Variants in FAM199X observed in about 807,000 individuals in gnomAD.
The protein encoded by FAM199X is protein FAM199X.
Under a neutral mutation model 22.9 loss-of-function variants are expected in FAM199X, and 4 were observed. The observed-to-expected ratio is 0.17, with a 90% CI of 0.09 to 0.40. The LOEUF is 0.40. FAM199X is among the 10% of genes least tolerant of loss of function. FAM199X has a pLI of 1.00. For missense variants in FAM199X, 183 were observed against 306.8 expected (o/e 0.60, Z 3.01); for synonymous variants, 101 against 112.3 (o/e 0.90, Z 0.64).
upstream of FAM199X, among the ~76,000 whole-genome samples, chrX:104,163,985 T>A (rs181517986): frequency 2.5e-3 from 283 of 111,402 alleles, 2 homozygotes; most frequent in South Asian, 6.7e-3. Context: ...TCTTTTTTTT[T>A]AAAAAAAATT....
At chrX:104,171,026 T>C (rs1160149920) in intron 1 of FAM199X, among the ~76,000 whole-genome samples, 1 of 111,359 alleles carries the variant, frequency 9.0e-6, no homozygotes, top group Non-Finnish European at 1.9e-5. Context: ...AGACTTCAAA[T>C]GACCTTCATC....
In FAM199X at chrX:104,175,769, G is replaced by A; in HGVS notation, c.344G>A (p.Gly115Glu). 8.3e-7 allele frequency: 1 copy of A among 1,211,069 alleles called. No homozygotes were observed. Among genetic ancestry groups the A allele is most frequent in the Non-Finnish European group, 1.1e-6 (1 of 895,014 alleles). The change falls in exon 2 of 6, where the codon GGG becomes GAG. Residue 115 changes from glycine (G) to glutamate (E), a missense_variant. Physicochemically the swap from Gly to Glu is moderately conservative, Grantham distance 98. Coordinates refer to ENST00000493442, the MANE Select transcript of FAM199X (RefSeq NM_207318.4). ...DFTSFDLFPEGSVCSDVSSSI... is the reference protein window; with the variant it reads ...DFTSFDLFPEESVCSDVSSSI... Reference sequence around the variant, plus strand: ...ACTTCTTTTGATTTATTTCCTGAGGGGAGTGTCTGCAGTGATGTCTCTTCT... The same window carrying A: ...ACTTCTTTTGATTTATTTCCTGAGGAGAGTGTCTGCAGTGATGTCTCTTCT...
intron 5 of FAM199X, 97 bp from the exon 6 acceptor site, chrX:104,189,511 T>G: frequency 1.1e-6 from 1 of 901,513 alleles, no homozygotes. Flanking sequence ...TGAACAGCTC[T>G]TAAAGTTAGA....
At chrX:104,179,228 G>A (rs1921577336) in intron 2 of FAM199X, among the ~76,000 whole-genome samples, 1 of 111,896 alleles carries the variant, frequency 8.9e-6, no homozygotes, top group Non-Finnish European at 1.9e-5. Context: ...GATTGCTTTG[G>A]GGAGTATTGC....
At chrX:104,173,183 C>G (rs1449278894) in intron 1 of FAM199X, among the ~76,000 whole-genome samples, 1 of 111,344 alleles carries the variant, frequency 9.0e-6, no homozygotes, top group Non-Finnish European at 1.9e-5. Context: ...GTTACCCAGA[C>G]TGGTCTCAAA....
At position 104,192,181 on chromosome X, in the gene FAM199X, T is replaced by C. The variant is rs921511229; in HGVS notation, c.*2403T>C. The C allele has an allele frequency of 1.8e-5, 2 of 111,970 alleles. No individual in the cohort carries two copies. Among genetic ancestry groups the C allele is most frequent in the Admixed American group, 1.9e-4 (2 of 10,545 alleles). The allele number at this position is 111,970 out of a possible 1,213,427, so 9.2% of individuals were successfully genotyped here. A position where few individuals can be genotyped will look rare whatever the true frequency, so the allele number is the denominator to read the frequency against. On this transcript the variant is annotated 3_prime_UTR_variant, in exon 6 of 6. Coordinates refer to ENST00000493442, the MANE Select transcript of FAM199X (RefSeq NM_207318.4). ...TAAAAAGCTCTTTGGTGTCTGTTCA[T>C]GTGCTGTACATTTTTTCCGTTTTAA...
intron 1 of FAM199X, among the ~76,000 whole-genome samples, chrX:104,171,586 A>G (rs782336793): frequency 3.6e-5 from 4 of 112,244 alleles, no homozygotes; most frequent in Admixed American, 9.4e-5. Flanking sequence ...ATAAAAAACT[A>G]TAGACCACTC....
rs1556379180 is a variant in FAM199X at position 104,186,513 on chromosome X, G to A, written c.621G>A (p.Arg207=). 2.5e-6 allele frequency: 3 copies of A among 1,210,037 alleles called. No homozygotes were observed. The Admixed American group carries it at 6.5e-5, about 26-fold the overall frequency. ...AAGTGAGTACTGAGATGGGTCTTCG[G>A]GAGCAACTTGATATTATTAAGATCA... ...SRKVSTEMGL[R]EQLDIIKIID... Residue 207 remains arginine, a synonymous_variant, in exon 4 of 6, where the codon CGG becomes CGA. Transcript: ENST00000493442.
At chrX:104,170,004 T>G (rs1556375046) in intron 1 of FAM199X, among the ~76,000 whole-genome samples, 1 of 112,385 alleles carries the variant, frequency 8.9e-6, no homozygotes, top group Non-Finnish European at 1.9e-5. Context: ...GTCTAGAATT[T>G]TAGGAAAATA....
At chrX:104,160,620 C>T in the FAM199X span, among the ~76,000 whole-genome samples, 1 of 111,979 alleles carries the variant, frequency 8.9e-6, no homozygotes, top group Admixed American at 9.5e-5. Flanking sequence ...AACAACAGAC[C>T]GGATTACCAG....
Position 104,195,391 on chromosome X carries a change from C to A in FAM199X, c.*5613C>A, listed in dbSNP as rs1556381380. 9.0e-6 allele frequency: 1 copy of A among 110,974 alleles called. No individual in the cohort carries two copies. Among genetic ancestry groups the A allele is most frequent in the Non-Finnish European group, 1.9e-5 (1 of 52,980 alleles). The allele number at this position is 110,974 out of a possible 1,213,427, so 9.1% of individuals were successfully genotyped here. ...TTTATTTGGTGAAAGCCCCAGATAC[C>A]CAAATGTCATTGGCAAAACTTATTT... On this transcript the variant is annotated 3_prime_UTR_variant, in exon 6 of 6. Transcript: ENST00000493442.
At chrX:104,185,897 G>A (rs1556378963) in intron 2 of FAM199X, among the ~76,000 whole-genome samples, 169 bp from the exon 3 acceptor site, 2 of 112,234 alleles carry the variant, frequency 1.8e-5, no homozygotes, top group Admixed American at 9.4e-5. Context: ...GAGCCACCAC[G>A]CCGGGCTGCC....
intron 1 of FAM199X, among the ~76,000 whole-genome samples, chrX:104,167,816 T>TG (rs1419179436): frequency 4.6e-5 from 5 of 108,495 alleles, no homozygotes; most frequent in African/African-American, 6.7e-5. Context: ...GATCAAATCT[T>TG]GGGGGGTGGG....
Position 104,186,046 on chromosome X carries a change from C to T in FAM199X, c.418-20C>T. On this transcript the variant is annotated intron_variant, in intron 2 of 5. Coordinates refer to ENST00000493442, the MANE Select transcript of FAM199X (RefSeq NM_207318.4). ...ACAAATTTTGCTTTCCTTCCCCACA[C>T]CCTCCTTATTTTTATAAAGTTACCA... 8.4e-7 allele frequency: 1 copy of T among 1,196,061 alleles called. No individual in the cohort carries two copies. Among genetic ancestry groups the T allele is most frequent in the Admixed American group, 2.4e-5 (1 of 42,440 alleles).
intron 2 of FAM199X, among the ~76,000 whole-genome samples, chrX:104,180,309 T>TTTC (rs1921616763): frequency 9.5e-6 from 1 of 105,146 alleles, no homozygotes; most frequent in African/African-American, 3.5e-5. Context: ...TTTTTTTTTT[T>TTTC]CTCAGTACAG....
At chrX:104,170,542 ATGT>A (rs1461628143) in intron 1 of FAM199X, among the ~76,000 whole-genome samples, 1 of 111,063 alleles carries the variant, frequency 9.0e-6, no homozygotes, top group Non-Finnish European at 1.9e-5. Flanking sequence ...AGAAGGGGAG[ATGT>A]TGTGAGAATT....
chrX:104,189,226 T>C (rs782535460), intron 5 of FAM199X, among the ~76,000 whole-genome samples: 40 of 111,513 alleles, frequency 3.6e-4, no homozygotes, highest in Non-Finnish European at 7.5e-4. Flanking sequence ...TCATAAGTAT[T>C]AGAGATTTGG....
the FAM199X span, among the ~76,000 whole-genome samples, chrX:104,158,596 A>C: frequency 6.2e-5 from 7 of 112,165 alleles, no homozygotes; most frequent in East Asian, 1.9e-3. Context: ...GCCTGGAGAG[A>C]ACAAACCAAT....
chrX:104,165,557 T>C (rs7883369), upstream of FAM199X, among the ~76,000 whole-genome samples: 4,225 of 112,182 alleles, frequency 0.038, 201 homozygotes, highest in African/African-American at 0.13. Flanking sequence ...ATGTGCTTCC[T>C]TTTATAAAAT....
Sources: allele counts gnomAD v4.1 joint callset (sites outside exome capture counted in the v4.1 genomes callset), GRCh38; gene constraint gnomAD v4.1.1; transcripts MANE v1.5; gene names NCBI Gene and HGNC (gene_info 2026-07-23, HGNC 2026-07-21).